IGF2BP1: variants seen among roughly 807,000 people sequenced by gnomAD.
IGF2BP1 encodes insulin-like growth factor 2 mRNA-binding protein 1.
Under a neutral mutation model 74.9 loss-of-function variants are expected in IGF2BP1, and 11 were observed. That is an observed-to-expected ratio of 0.15 (90% CI 0.09 to 0.24). The LOEUF is 0.24. IGF2BP1 is among the 10% of genes least tolerant of loss of function. The probability of loss-of-function intolerance (pLI) is 1.00; values close to 1 mark genes in which losing one functional copy is unlikely to be tolerated. For missense variants in IGF2BP1, 440 were observed against 757.4 expected (o/e 0.58, Z 4.92); for synonymous variants, 287 against 281.8 (o/e 1.02, Z -0.18).
At position 49,041,456 on chromosome 17, in the gene IGF2BP1, G is replaced by A. The variant is rs968923357; in HGVS notation, c.897G>A (p.Leu299=). The change falls in exon 8 of 15, where the codon CTG becomes CTA. Residue 299 remains leucine (L), a synonymous_variant. Coordinates refer to ENST00000290341, the MANE Select transcript of IGF2BP1 (RefSeq NM_006546.4). Reference sequence around the variant, plus strand: ...TCATTGGCAAGGAAGGACGGAACCTGAAGAAGGTAGAGCAAGATACCGAGA... The same window carrying A: ...TCATTGGCAAGGAAGGACGGAACCTAAAGAAGGTAGAGCAAGATACCGAGA... ...GRLIGKEGRN[L]KKVEQDTETK... 1.9e-6 allele frequency: 3 copies of A among 1,614,110 alleles called. No homozygotes were observed. The highest frequency in any genetic ancestry group is 2.5e-6 in the Non-Finnish European group (3 of 1,180,016).
Position 49,047,444 on chromosome 17 carries a change from C to T in IGF2BP1, c.1641+1071C>T, listed in dbSNP as rs935227662. ...GTTTTATGTGGCTTATGTATATTAACTCATTTAATTCCCACAACAATTTCA... is the reference window on the plus strand; with the variant it reads ...GTTTTATGTGGCTTATGTATATTAATTCATTTAATTCCCACAACAATTTCA... On this transcript the variant is annotated intron_variant, in intron 14 of 14. Coordinates refer to ENST00000290341, the MANE Select transcript of IGF2BP1 (RefSeq NM_006546.4). Among the ~76,000 whole-genome samples, 8 of 152,056 alleles carry T rather than the reference C, an allele frequency of 5.3e-5. No homozygotes were observed. The South Asian group carries it at 1.5e-3, about 28-fold the overall frequency.
chr17:49,043,992 A>T lies in IGF2BP1; in HGVS notation c.1226A>T (p.Gln409Leu), dbSNP rs753200252. 6.2e-7 allele frequency: 1 copy of T among 1,614,060 alleles called. No individual in the cohort carries two copies. The part of the protein sequence containing the change: ...FMQAPEQEMV[Q>L]VFIPAQAVGA... ...CAGGCTCCCGAGCAGGAGATGGTGC[A>T]GGTGTTTATCCCCGCCCAGGCAGTG... Residue 409 changes from glutamine (Q) to leucine (L), a missense_variant, in exon 11 of 15, where the codon CAG becomes CTG. Gln to Leu is a moderately radical substitution (Grantham distance 113). This residue lies in a region of IGF2BP1 where 117 missense variants were observed against 237.2 expected (regional missense o/e 0.49). Coordinates refer to ENST00000290341, the MANE Select transcript of IGF2BP1 (RefSeq NM_006546.4).
At chr17:49,023,912 A>G (rs1364786103) in intron 2 of IGF2BP1, among the ~76,000 whole-genome samples, 1 of 151,144 alleles carries the variant, frequency 6.6e-6, no homozygotes, top group Non-Finnish European at 1.5e-5. Flanking sequence ...TTCCTCAGGG[A>G]AAACTACCTT....
intron 2 of IGF2BP1, among the ~76,000 whole-genome samples, chr17:49,020,374 C>G (rs557500829): frequency 6.6e-6 from 1 of 152,200 alleles, no homozygotes; most frequent in South Asian, 2.1e-4. Context: ...GGAATTAACA[C>G]GCCAGGCTCT....
intron 2 of IGF2BP1, among the ~76,000 whole-genome samples, chr17:49,019,949 T>C (rs1361422719): frequency 2.5e-4 from 9 of 35,344 alleles, no homozygotes; most frequent in Non-Finnish European, 4.9e-4. Flanking sequence ...TATATATATA[T>C]TTATATACAC....
At chr17:49,047,383 T>C (rs918726100) in intron 14 of IGF2BP1, among the ~76,000 whole-genome samples, 4 of 152,056 alleles carry the variant, frequency 2.6e-5, no homozygotes, top group Admixed American at 6.5e-5. Flanking sequence ...AATAATAATA[T>C]CTAAGATTTA....
rs1413063169 is a variant in IGF2BP1 at position 49,052,309 on chromosome 17, CCAG to C, written c.*2871_*2873del. 7.9e-5 allele frequency: 12 copies of C among 152,112 alleles called. No individual in the cohort carries two copies. Among genetic ancestry groups the C allele is most frequent in the Admixed American group, 7.9e-4 (12 of 15,260 alleles). The allele number at this position is 152,112 out of a possible 1,614,324, so 9.4% of individuals were successfully genotyped here. A position where few individuals can be genotyped will look rare whatever the true frequency, so the allele number is the denominator to read the frequency against. On this transcript the variant is annotated 3_prime_UTR_variant, in exon 15 of 15. Transcript: ENST00000290341. Reference sequence around the variant, plus strand: ...CCATTTAGTAATTTAAAGCGAATTTCCAGCAGCAAGCATGCTTTGATATCTGGT... The same window carrying C: ...CCATTTAGTAATTTAAAGCGAATTTCCAGCAAGCATGCTTTGATATCTGGT...
At position 49,019,944 on chromosome 17, in the gene IGF2BP1, ATATATT is replaced by A. The variant is rs1434230184; in HGVS notation, c.237-5668_237-5663del. 1.7e-3 allele frequency among the ~76,000 whole-genome samples: 94 copies of A among 55,784 alleles called. 1 individual carries two copies. The highest frequency in any genetic ancestry group is 2.3e-3 in the Non-Finnish European group (69 of 29,898). 36.6% of individuals were successfully genotyped at this position (55,784 alleles called of 152,430 possible). ...TATATATATATATATATATATATAT[ATATATT>A]TATATACACACACACACACACACAC... On this transcript the variant is annotated intron_variant, in intron 2 of 14. Coordinates refer to ENST00000290341, the MANE Select transcript of IGF2BP1 (RefSeq NM_006546.4).
At chr17:49,026,586 C>A (rs1598143842) in intron 4 of IGF2BP1, 69 bp downstream of exon 4, 1 of 1,334,132 alleles carries the variant, frequency 7.5e-7, no homozygotes, top group African/African-American at 1.4e-5. Context: ...ATTTGTTCTG[C>A]TTCACTTTGT....
At chr17:49,007,448 C>T (rs1306250178) in intron 2 of IGF2BP1, among the ~76,000 whole-genome samples, 1 of 152,240 alleles carries the variant, frequency 6.6e-6, no homozygotes, top group African/African-American at 2.4e-5. Context: ...GGTGCATACA[C>T]ATACATACAC....
intron 5 of IGF2BP1, 97 bp downstream of exon 5, chr17:49,032,070 C>A (rs909807081): frequency 9.4e-7 from 1 of 1,058,526 alleles, no homozygotes; most frequent in Non-Finnish European, 1.4e-6. Flanking sequence ...GGGGTCTAGG[C>A]AGGCTGGGTC....
intron 2 of IGF2BP1, among the ~76,000 whole-genome samples, chr17:49,021,283 C>T (rs1356945101): frequency 8.5e-5 from 13 of 152,182 alleles, no homozygotes; most frequent in Admixed American, 4.6e-4. Flanking sequence ...CCAACCTCAT[C>T]TCCCTCCCAG....
chr17:49,050,664 G>A lies in IGF2BP1; in HGVS notation c.*1220G>A, dbSNP rs1196889618. 2 of 152,190 alleles carry A rather than the reference G, an allele frequency of 1.3e-5. No homozygotes were observed. The highest frequency in any genetic ancestry group is 6.5e-5 in the Admixed American group (1 of 15,274). The allele number at this position is 152,190 out of a possible 1,614,324, so 9.4% of individuals were successfully genotyped here. A position where few individuals can be genotyped will look rare whatever the true frequency, so the allele number is the denominator to read the frequency against. On this transcript the variant is annotated 3_prime_UTR_variant, in exon 15 of 15. Coordinates refer to ENST00000290341, the MANE Select transcript of IGF2BP1 (RefSeq NM_006546.4). ...TTGTATCTGAGAGGAATTTTTAACTGACGGCTTCTGTCTCCATGAATCATT... is the reference window on the plus strand; with the variant it reads ...TTGTATCTGAGAGGAATTTTTAACTAACGGCTTCTGTCTCCATGAATCATT...
At chr17:49,031,135 C>G (rs1043066986) in intron 4 of IGF2BP1, among the ~76,000 whole-genome samples, 1 of 152,128 alleles carries the variant, frequency 6.6e-6, no homozygotes, top group East Asian at 1.9e-4. Flanking sequence ...CTTTGTTTTT[C>G]TGAGACTGGC....
chr17:49,010,313 CTTTTT>C (rs397857828), intron 2 of IGF2BP1, among the ~76,000 whole-genome samples: 3 of 105,616 alleles, frequency 2.8e-5, no homozygotes, highest in Non-Finnish European at 3.7e-5. Flanking sequence ...TGGTGGTCAT[CTTTTT>C]TTTTTTTTTT....
In IGF2BP1 at chr17:49,055,836, GTTT is replaced by G. The variant is rs59508101; in HGVS notation, c.*6412_*6414del. 1.1e-4 allele frequency among the ~76,000 whole-genome samples: 14 copies of G among 125,890 alleles called. No homozygotes were observed. The highest frequency in any genetic ancestry group is 1.2e-4 in the African/African-American group (4 of 32,532). 82.6% of individuals were successfully genotyped at this position (125,890 alleles called of 152,430 possible). A position where few individuals can be genotyped will look rare whatever the true frequency, so the allele number is the denominator to read the frequency against. On this transcript the variant is annotated 3_prime_UTR_variant, in exon 15 of 15. Transcript: ENST00000290341. ...AGCTGGAGGCCTACTGCTTGGGACAGTTTTTTTTTTTTTTTTTTTTTTAAATAT... is the reference window on the plus strand; with the variant it reads ...AGCTGGAGGCCTACTGCTTGGGACAGTTTTTTTTTTTTTTTTTTTAAATAT...
Position 49,047,736 on chromosome 17 carries a change from C to T in IGF2BP1, c.1641+1363C>T, listed in dbSNP as rs1339784759. Among the ~76,000 whole-genome samples, 10 of 142,544 alleles carry T rather than the reference C, an allele frequency of 7.0e-5. No homozygotes were observed. The East Asian group carries it at 1.8e-3, about 26-fold the overall frequency. 93.5% of individuals were successfully genotyped at this position (142,544 alleles called of 152,430 possible). A position where few individuals can be genotyped will look rare whatever the true frequency, so the allele number is the denominator to read the frequency against. On this transcript the variant is annotated intron_variant, in intron 14 of 14. Transcript: ENST00000290341. ...CCTCTTTTTTTTTTTTTTTTTGTGA[C>T]AGGGTCTCGCTCTGCCATCCAGGCT... is the stretch of plus-strand genomic sequence containing the variant.
At chr17:49,031,813 C>T (rs2041924396) in intron 4 of IGF2BP1, 97 bp from the exon 5 acceptor site, 1 of 1,120,192 alleles carries the variant, frequency 8.9e-7, no homozygotes, top group African/African-American at 1.5e-5. Flanking sequence ...TGCCAGATGT[C>T]TTCTTGATCT....
At chr17:49,043,353 C>T in intron 9 of IGF2BP1, 75 bp from the exon 10 acceptor site, 1 of 1,572,000 alleles carries the variant, frequency 6.4e-7, no homozygotes, top group East Asian at 2.2e-5. Context: ...GGCTACTCGC[C>T]TTTTATACAG....
Sources: gnomAD v4.1 joint callset for allele counts (sites outside exome capture counted in the v4.1 genomes callset) on GRCh38, gnomAD v4.1.1 for gene constraint, gnomAD v4.1.1 regional missense constraint, MANE v1.5 for transcripts, NCBI Gene and HGNC (gene_info 2026-07-23, HGNC 2026-07-21) for gene names.